Variants in RAPGEF2 observed in about 807,000 individuals in gnomAD.
RAPGEF2 encodes the protein PDZ domain containing guanine nucleotide exchange factor (GEF) 1.
Under a neutral mutation model 186.7 loss-of-function variants are expected in RAPGEF2, and 54 were observed. That is an observed-to-expected ratio of 0.29 (90% CI 0.23 to 0.36). The LOEUF (loss-of-function observed/expected upper bound fraction) is 0.36, where lower values mean the gene tolerates loss of function less well. Ranked by LOEUF, RAPGEF2 falls within the 10% of genes least tolerant of loss-of-function variation. RAPGEF2 has a pLI of 1.00. For missense variants in RAPGEF2, 1,532 were observed against 2,045.0 expected (o/e 0.75, Z 4.84); for synonymous variants, 712 against 705.9 (o/e 1.01, Z -0.14).
Position 159,341,740 on chromosome 4 carries a change from A to G in RAPGEF2, c.2711A>G (p.Asp904Gly), listed in dbSNP as rs1268958188. The G allele has an allele frequency of 1.2e-6, 2 of 1,613,906 alleles. No individual in the cohort carries two copies. Among genetic ancestry groups the G allele is most frequent in the Admixed American group, 1.7e-5 (1 of 60,000 alleles). The change falls in exon 20 of 30, where the codon GAT (aspartate) becomes GGT (glycine). Residue 904 changes from aspartate (D) to glycine (G), a missense_variant. Physicochemically the swap from Asp to Gly is moderately conservative, Grantham distance 94. Around this residue, in one of 4 missense-constraint regions of RAPGEF2, gnomAD observed 810 missense variants for 1,210.5 expected, o/e 0.67. Coordinates refer to ENST00000691494, the MANE Select transcript of RAPGEF2 (RefSeq NM_001394067.2). ...FRNIEPTEYI[D>G]DLFKLRSKTS... Reference sequence around the variant, plus strand: ...AACATTGAACCTACTGAATATATAGATGATTTATTTAAACTCAGATCAAAA... The same window carrying G: ...AACATTGAACCTACTGAATATATAGGTGATTTATTTAAACTCAGATCAAAA...
chr4:159,218,134 C>T (rs2111393694), intron 4 of RAPGEF2, among the ~76,000 whole-genome samples: 1 of 152,210 alleles, frequency 6.6e-6, no homozygotes, highest in South Asian at 2.1e-4. Flanking sequence ...CTTTATTGGA[C>T]ATTAAACATA....
At chr4:159,126,523 C>T (rs1382199630) in intron 1 of RAPGEF2, among the ~76,000 whole-genome samples, 3 of 145,502 alleles carry the variant, frequency 2.1e-5, no homozygotes, top group Non-Finnish European at 4.6e-5. Flanking sequence ...TATCTCCTGT[C>T]CAGGTTTTAA....
At chr4:159,265,700 T>A (rs748863977) in intron 7 of RAPGEF2, among the ~76,000 whole-genome samples, 1 of 152,170 alleles carries the variant, frequency 6.6e-6, no homozygotes, top group Admixed American at 6.5e-5. Flanking sequence ...TTATAAGATA[T>A]CAGGAGGTGG....
At chr4:159,335,524 A>G (rs1449008008) in intron 17 of RAPGEF2, among the ~76,000 whole-genome samples, 3 of 152,200 alleles carry the variant, frequency 2.0e-5, no homozygotes, top group African/African-American at 7.2e-5. Context: ...GCAGTTCATC[A>G]TGTAAGGTGT....
intron 1 of RAPGEF2, among the ~76,000 whole-genome samples, chr4:159,106,680 G>T (rs1463001653): frequency 6.6e-6 from 1 of 152,206 alleles, no homozygotes; most frequent in African/African-American, 2.4e-5. Flanking sequence ...AAAAGGAAAA[G>T]AATTGGGGAA....
chr4:159,198,199 A>G (rs1748883116), intron 3 of RAPGEF2, among the ~76,000 whole-genome samples: 2 of 150,406 alleles, frequency 1.3e-5, no homozygotes, highest in Admixed American at 1.3e-4. Flanking sequence ...CTACCCCAGG[A>G]AGCAAAATAC....
chr4:159,278,318 T>C (rs186234498), intron 7 of RAPGEF2, among the ~76,000 whole-genome samples: 5 of 152,300 alleles, frequency 3.3e-5, no homozygotes, highest in Admixed American at 3.3e-4. Context: ...ACACAGGGTT[T>C]GAAGAAACCC....
intron 1 of RAPGEF2, among the ~76,000 whole-genome samples, chr4:159,106,243 A>G (rs1424586405): frequency 1.3e-5 from 2 of 152,250 alleles, no homozygotes; most frequent in African/African-American, 2.4e-5. Flanking sequence ...AAACATTTCA[A>G]ACATTCCTAA....
At chr4:159,261,835 C>A (rs1756911157) in intron 7 of RAPGEF2, among the ~76,000 whole-genome samples, 1 of 152,166 alleles carries the variant, frequency 6.6e-6, no homozygotes, top group South Asian at 2.1e-4. Flanking sequence ...CTTCTACCTC[C>A]CACTCACCTA....
intron 2 of RAPGEF2, among the ~76,000 whole-genome samples, chr4:159,188,071 T>C (rs1421939697): frequency 6.6e-6 from 1 of 150,906 alleles, no homozygotes; most frequent in Non-Finnish European, 1.5e-5. Flanking sequence ...TTTTAGAAGA[T>C]GGCTCAAATT....
intron 7 of RAPGEF2, among the ~76,000 whole-genome samples, chr4:159,261,660 A>G (rs974750314): frequency 1.3e-5 from 2 of 152,172 alleles, no homozygotes; most frequent in Non-Finnish European, 2.9e-5. Flanking sequence ...TGTTGTTTGC[A>G]TAGGTCCTGT....
intron 26 of RAPGEF2, 42 bp from the exon 27 acceptor site, chr4:159,352,643 A>C: frequency 6.7e-7 from 1 of 1,488,452 alleles, no homozygotes; most frequent in Non-Finnish European, 9.4e-7. Context: ...TGATGTTATA[A>C]ACCTAGAGAG....
chr4:159,356,850 A>G (rs1732090453), intron 29 of RAPGEF2, among the ~76,000 whole-genome samples: 1 of 152,118 alleles, frequency 6.6e-6, no homozygotes, highest in Admixed American at 6.5e-5. Context: ...GCAGTGAGCC[A>G]ACAACATGTC....
chr4:159,310,872 T>C (rs919217125), intron 8 of RAPGEF2, among the ~76,000 whole-genome samples: 1 of 152,162 alleles, frequency 6.6e-6, no homozygotes, highest in Non-Finnish European at 1.5e-5. Flanking sequence ...AGTGTTGTTA[T>C]TTGGAGGAAG....
At position 159,341,724 on chromosome 4, in the gene RAPGEF2, C is replaced by G; in HGVS notation, c.2695C>G (p.Pro899Ala). ...RNFELFRNIE[P>A]TEYIDDLFKL... ...TTTTGAACTCTTTCGCAACATTGAA[C>G]CTACTGAATATATAGATGATTTATT... The change falls in exon 20 of 30, where the codon CCT (proline) becomes GCT (alanine). Residue 899 changes from proline to alanine, a missense_variant. Transcript: ENST00000691494. 1 of 1,613,976 alleles carries G rather than the reference C, an allele frequency of 6.2e-7. No individual in the cohort carries two copies. Among genetic ancestry groups the G allele is most frequent in the Non-Finnish European group, 8.5e-7 (1 of 1,179,904 alleles).
At chr4:159,331,383 A>AT (rs1766660253) in intron 13 of RAPGEF2, 48 bp from the exon 14 acceptor site, 3 of 1,164,568 alleles carry the variant, frequency 2.6e-6, no homozygotes, top group African/African-American at 1.5e-5. Context: ...TTTTAATCAC[A>AT]TTTTTGGCAC....
chr4:159,210,508 A>T lies in RAPGEF2; in HGVS notation c.206A>T (p.Asp69Val). Residue 69 changes from aspartate (D) to valine (V), a missense_variant, in exon 4 of 30, where the codon GAT becomes GTT. By Grantham distance (152) the Asp-to-Val change is radical (BLOSUM62 -3). This residue lies in a region of RAPGEF2 where 810 missense variants were observed against 1,210.5 expected (regional missense o/e 0.67). Transcript: ENST00000691494. ...EANEVLYYPD[D>V]IGTCWYILLS... Reference sequence around the variant, plus strand: ...TTACCTTTTCTTTTCAGCCCTGATGATATTGGGACCTGCTGGTATATCCTT... The same window carrying T: ...TTACCTTTTCTTTTCAGCCCTGATGTTATTGGGACCTGCTGGTATATCCTT... 6.5e-7 allele frequency: 1 copy of T among 1,532,676 alleles called. No individual in the cohort carries two copies. Among genetic ancestry groups the T allele is most frequent in the Non-Finnish European group, 8.7e-7 (1 of 1,144,042 alleles). 94.9% of individuals were successfully genotyped at this position (1,532,676 alleles called of 1,614,324 possible). A position where few individuals can be genotyped will look rare whatever the true frequency, so the allele number is the denominator to read the frequency against.
At chr4:159,252,667 CAG>C (rs200262555) in intron 7 of RAPGEF2, among the ~76,000 whole-genome samples, 2,331 of 152,240 alleles carry the variant, frequency 0.015, 65 homozygotes, top group African/African-American at 0.052. Flanking sequence ...ATTAAGTTGT[CAG>C]AGGGTTCTGC....
chr4:159,170,925 A>G (rs999866422), intron 1 of RAPGEF2, among the ~76,000 whole-genome samples: 1 of 151,832 alleles, frequency 6.6e-6, no homozygotes, highest in African/African-American at 2.4e-5. Context: ...GTAGATACCC[A>G]GTTTTCTCAA....
Sources: allele counts gnomAD v4.1 joint callset (sites outside exome capture counted in the v4.1 genomes callset), GRCh38; gene constraint gnomAD v4.1.1; regional missense constraint gnomAD v4.1.1; transcripts MANE v1.5; gene names NCBI Gene and HGNC (gene_info 2026-07-23, HGNC 2026-07-21).